PDK1: variants seen among roughly 807,000 people sequenced by gnomAD.
PDK1 encodes [Pyruvate dehydrogenase (acetyl-transferring)] kinase isozyme 1, mitochondrial.
PDK1 carries 39 observed loss-of-function variants against 54.2 expected under a neutral mutation model. The observed-to-expected ratio is 0.72, with a 90% confidence interval of 0.56 to 0.94. PDK1 has a LOEUF of 0.94. Among genes scored for constraint, PDK1 ranks in the 40% least tolerant of loss-of-function variants. The pLI, the probability that PDK1 is intolerant of heterozygous loss-of-function variation, is 0.00. For missense variants in PDK1, 552 were observed against 566.0 expected, an observed-to-expected ratio of 0.98 and a Z score of 0.25; for synonymous variants, 221 against 207.1, an observed-to-expected ratio of 1.07 and a Z score of -0.58.
chr2:172,688,984 G>A, the PDK1 span, among the ~76,000 whole-genome samples: 1 of 152,280 alleles, frequency 6.6e-6, no homozygotes, highest in African/African-American at 2.4e-5. Flanking sequence ...CCCAAAGAGT[G>A]AGCAGCAGCA....
At chr2:172,610,960 T>C (rs1280783371), downstream of PDK1, among the ~76,000 whole-genome samples, 2 of 152,250 alleles carry the variant, frequency 1.3e-5, no homozygotes, top group African/African-American at 4.8e-5. Context: ...TTAATACAGC[T>C]GTAAAAATAG....
the PDK1 span, among the ~76,000 whole-genome samples, chr2:172,616,625 G>A: frequency 6.6e-6 from 1 of 152,208 alleles, no homozygotes; most frequent in Non-Finnish European, 1.5e-5. Flanking sequence ...CATTCAAATT[G>A]AAGGTTTTGT....
Position 172,601,875 on chromosome 2 carries a change from G to A in PDK1, c.*5906G>A, listed in dbSNP as rs1000847048. ...TTTAAAGGACATAACTACCAATAGAGATTTAAAATAATCATAAGAATACCA... is the reference window on the plus strand; with the variant it reads ...TTTAAAGGACATAACTACCAATAGAAATTTAAAATAATCATAAGAATACCA... On this transcript the variant is annotated 3_prime_UTR_variant, in exon 11 of 11. Transcript: ENST00000282077. 1 of 152,050 alleles carries A rather than the reference G, an allele frequency of 6.6e-6. No individual in the cohort carries two copies. Among genetic ancestry groups the A allele is most frequent in the South Asian group, 2.1e-4 (1 of 4,816 alleles). 9.4% of individuals were successfully genotyped at this position (152,050 alleles called of 1,614,324 possible). A position where few individuals can be genotyped will look rare whatever the true frequency, so the allele number is the denominator to read the frequency against.
At chr2:172,595,753 T>G in intron 10 of PDK1, 76 bp from the exon 11 acceptor site, 1 of 1,206,124 alleles carries the variant, frequency 8.3e-7, no homozygotes, top group Non-Finnish European at 1.2e-6. Flanking sequence ...GTAACCTTTT[T>G]GCCATTGTCT....
the PDK1 span, among the ~76,000 whole-genome samples, chr2:172,614,394 C>A: frequency 6.6e-6 from 1 of 152,186 alleles, no homozygotes; most frequent in Non-Finnish European, 1.5e-5. Flanking sequence ...GCATGTACTT[C>A]CTCCTCTCTG....
At chr2:172,665,023 G>A in the PDK1 span, among the ~76,000 whole-genome samples, 2 of 152,090 alleles carry the variant, frequency 1.3e-5, no homozygotes, top group South Asian at 4.1e-4. Flanking sequence ...TCTTTGGCAG[G>A]ATATTTTGGT....
the PDK1 span, among the ~76,000 whole-genome samples, chr2:172,632,352 G>A: frequency 6.6e-6 from 1 of 152,018 alleles, no homozygotes; most frequent in African/African-American, 2.4e-5. Context: ...AGGAAAAAGG[G>A]AACTCTTTAC....
In PDK1 at chr2:172,556,197, G is replaced by A. The variant is rs2149168966; in HGVS notation, c.47G>A (p.Gly16Asp). 7.1e-7 allele frequency: 1 copy of A among 1,416,462 alleles called. No individual in the cohort carries two copies. The allele number at this position is 1,416,462 out of a possible 1,614,324, so 87.7% of individuals were successfully genotyped here. Residue 16 changes from glycine (G) to aspartate (D), a missense_variant, in exon 1 of 11, where the codon GGC becomes GAC. By Grantham distance (94) the Gly-to-Asp change is moderately conservative (BLOSUM62 -1). Coordinates refer to ENST00000282077, the MANE Select transcript of PDK1 (RefSeq NM_002610.5). ...CGCGGAGCCGCCTTGGCCGGCCCGG[G>A]CCCGGGGCTGCGCGCCGCCGGCTTC... The part of the protein sequence containing the change: ...LLRGAALAGP[G>D]PGLRAAGFSR...
At chr2:172,585,304 C>T (rs576027626) in intron 8 of PDK1, among the ~76,000 whole-genome samples, 41 of 145,088 alleles carry the variant, frequency 2.8e-4, no homozygotes, top group African/African-American at 1.0e-3. Context: ...CAGCCTAGTA[C>T]ATGCATTTTT....
chr2:172,668,898 T>C, the PDK1 span, among the ~76,000 whole-genome samples: 2,844 of 34,744 alleles, frequency 0.082, 54 homozygotes, highest in South Asian at 0.14. Flanking sequence ...CACACACATA[T>C]ATATATATAG....
the PDK1 span, among the ~76,000 whole-genome samples, chr2:172,700,883 A>T: frequency 6.6e-6 from 1 of 152,172 alleles, no homozygotes; most frequent in South Asian, 2.1e-4. Context: ...CACGCCTGCA[A>T]TCCCAGGCAC....
the PDK1 span, among the ~76,000 whole-genome samples, chr2:172,640,561 T>C: frequency 1.3e-5 from 2 of 152,236 alleles, no homozygotes; most frequent in Non-Finnish European, 2.9e-5. Context: ...GGAAATGTAA[T>C]AGCTGGCAGC....
the PDK1 span, among the ~76,000 whole-genome samples, chr2:172,642,926 CT>C: frequency 2.6e-5 from 4 of 152,092 alleles, no homozygotes; most frequent in Non-Finnish European, 5.9e-5. Flanking sequence ...CCTACTCCTC[CT>C]TCTTCTTCTC....
chr2:172,570,799 T>A lies in PDK1; in HGVS notation c.920T>A (p.Leu307Gln). The A allele has an allele frequency of 6.2e-7, 1 of 1,607,938 alleles. No homozygotes were observed. Among genetic ancestry groups the A allele is most frequent in the Non-Finnish European group, 8.5e-7 (1 of 1,174,776 alleles). The change falls in exon 8 of 11, where the codon CTG becomes CAG. Residue 307 changes from leucine to glutamine, a missense_variant. Transcript: ENST00000282077. ...CCCCCTATTCAAGTTCATGTCACGC[T>A]GGGTAATGAGGATTTGACTGTGAAG... Reference protein sequence around the residue: ...VYPPIQVHVTLGNEDLTVKMS... With the variant: ...VYPPIQVHVTQGNEDLTVKMS...
intron 8 of PDK1, among the ~76,000 whole-genome samples, chr2:172,575,842 A>T (rs1320693280): frequency 6.6e-6 from 1 of 152,166 alleles, no homozygotes; most frequent in African/African-American, 2.4e-5. Flanking sequence ...ATAATTAAAT[A>T]AATAAATATA....
chr2:172,568,283 G>A (rs908774092), intron 6 of PDK1, among the ~76,000 whole-genome samples: 5 of 139,884 alleles, frequency 3.6e-5, no homozygotes, highest in Admixed American at 1.5e-4. Flanking sequence ...AGCCAAGATC[G>A]CGCCACTGCA....
the PDK1 span, among the ~76,000 whole-genome samples, chr2:172,626,213 A>G: frequency 6.6e-6 from 1 of 152,276 alleles, no homozygotes; most frequent in East Asian, 1.9e-4. Flanking sequence ...CTCATTTATT[A>G]TCTGAAATGT....
intron 8 of PDK1, among the ~76,000 whole-genome samples, chr2:172,572,530 G>T (rs1340523585): frequency 6.6e-6 from 1 of 152,080 alleles, no homozygotes; most frequent in African/African-American, 2.4e-5. Context: ...TTTAAGACCA[G>T]CCTGGCCAAC....
At chr2:172,611,957 C>T (rs1311356929), downstream of PDK1, among the ~76,000 whole-genome samples, 1 of 152,216 alleles carries the variant, frequency 6.6e-6, no homozygotes. Flanking sequence ...TCATATCTCA[C>T]CTTGTAAATC....
Sources: allele counts gnomAD v4.1 joint callset (sites outside exome capture counted in the v4.1 genomes callset), GRCh38; gene constraint gnomAD v4.1.1; transcripts MANE v1.5; gene names NCBI Gene and HGNC (gene_info 2026-07-23, HGNC 2026-07-21).